Variants in FLT1 observed in about 807,000 individuals in gnomAD.
FLT1 encodes vascular endothelial growth factor receptor 1.
A neutral mutation model predicts 156.3 loss-of-function variants in FLT1; 49 were observed. The observed-to-expected ratio is 0.31, with a 90% CI of 0.25 to 0.40. FLT1 has a LOEUF of 0.40. FLT1 is among the 10% of genes least tolerant of loss of function. FLT1 has a pLI of 1.00. For missense variants in FLT1, 1,322 were observed against 1,637.2 expected (o/e 0.81, Z 3.32); for synonymous variants, 594 against 583.8 (o/e 1.02, Z -0.25).
At chr13:28,480,854 A>G (rs1050018877) in intron 1 of FLT1, among the ~76,000 whole-genome samples, 1 of 152,226 alleles carries the variant, frequency 6.6e-6, no homozygotes, top group Non-Finnish European at 1.5e-5. Flanking sequence ...TACCCAGGTC[A>G]CGTTGTGCTT....
At chr13:28,414,996 C>T (rs903827919) in intron 10 of FLT1, among the ~76,000 whole-genome samples, 5 of 152,106 alleles carry the variant, frequency 3.3e-5, no homozygotes, top group Admixed American at 2.0e-4. Flanking sequence ...CTGCCAGGGC[C>T]CTGGCTAACC....
chr13:28,318,564 C>T (rs897570661), intron 24 of FLT1, among the ~76,000 whole-genome samples: 2 of 152,198 alleles, frequency 1.3e-5, no homozygotes, highest in African/African-American at 4.8e-5. Context: ...GGGAGGCGTG[C>T]AGTGCTGGCA....
intron 3 of FLT1, among the ~76,000 whole-genome samples, chr13:28,457,647 A>T (rs912616044): frequency 3.4e-4 from 52 of 152,220 alleles, no homozygotes; most frequent in African/African-American, 1.1e-3. Flanking sequence ...TCACCTCCTC[A>T]TCTCCAAGCA....
At chr13:28,469,667 TG>T (rs1163727607) in intron 1 of FLT1, among the ~76,000 whole-genome samples, 2 of 152,258 alleles carry the variant, frequency 1.3e-5, no homozygotes, top group Non-Finnish European at 2.9e-5. Context: ...CAGAATATTT[TG>T]CTGGGTATAT....
chr13:28,384,062 T>G (rs1874205726), intron 14 of FLT1, among the ~76,000 whole-genome samples: 2 of 151,380 alleles, frequency 1.3e-5, no homozygotes, highest in African/African-American at 4.9e-5. Flanking sequence ...GATTTATGTT[T>G]TTTACTAGTA....
intron 14 of FLT1, among the ~76,000 whole-genome samples, chr13:28,372,590 A>ATATG (rs1214075312): frequency 7.5e-6 from 1 of 133,744 alleles, no homozygotes; most frequent in Non-Finnish European, 1.6e-5. Context: ...ATATATATAT[A>ATATG]TATATATATA....
chr13:28,493,232 G>A (rs903257514), intron 1 of FLT1, among the ~76,000 whole-genome samples: 1 of 152,082 alleles, frequency 6.6e-6, no homozygotes, highest in African/African-American at 2.4e-5. Flanking sequence ...GTCGAGTGAG[G>A]TATTTAAATT....
chr13:28,399,994 A>G (rs1009609872), intron 11 of FLT1, among the ~76,000 whole-genome samples: 8 of 152,174 alleles, frequency 5.3e-5, no homozygotes, highest in African/African-American at 1.9e-4. Flanking sequence ...AGGTTCCGAG[A>G]GATTAGATGA....
intron 3 of FLT1, among the ~76,000 whole-genome samples, chr13:28,462,115 G>T (rs370780442): frequency 2.0e-5 from 3 of 152,180 alleles, no homozygotes; most frequent in African/African-American, 7.2e-5. Context: ...GTGAGAGAGA[G>T]ATATAAGCTA....
intron 24 of FLT1, among the ~76,000 whole-genome samples, chr13:28,317,967 G>GTT (rs5802474): frequency 7.9e-5 from 12 of 151,554 alleles, no homozygotes; most frequent in South Asian, 2.1e-4. Context: ...GTGAGCTTTT[G>GTT]TTTTTTTTGA....
intron 13 of FLT1, chr13:28,388,731 T>C: frequency 9.4e-7 from 1 of 1,058,210 alleles, no homozygotes; most frequent in Non-Finnish European, 1.1e-6. Flanking sequence ...AAATTTTAAA[T>C]TTACATTTAG....
chr13:28,390,145 C>G, intron 12 of FLT1, 41 bp from the exon 13 acceptor site: 1 of 1,601,360 alleles, frequency 6.2e-7, no homozygotes, highest in Non-Finnish European at 8.5e-7. Context: ...ACAGAAAAAT[C>G]AGTGTCTTTT....
At position 28,386,601 on chromosome 13, in the gene FLT1, C is replaced by T. The variant is rs139666876; in HGVS notation, c.1970-1570G>A. The T allele has an allele frequency of 2.8e-3, 2,902 of 1,055,270 alleles. 10 individuals are homozygous for T. Among genetic ancestry groups the T allele is most frequent in the South Asian group, 0.016 (346 of 21,888 alleles). 65.4% of individuals were successfully genotyped at this position (1,055,270 alleles called of 1,614,324 possible). A position where few individuals can be genotyped will look rare whatever the true frequency, so the allele number is the denominator to read the frequency against. On this transcript the variant is annotated intron_variant, in intron 13 of 29. Transcript: ENST00000282397. ...ATCTTGCCCACTAAGCAGAACGTTACGATATTTCTGTTTTTGCATTGGATG... is the reference window on the plus strand; with the variant it reads ...ATCTTGCCCACTAAGCAGAACGTTATGATATTTCTGTTTTTGCATTGGATG...
intron 10 of FLT1, among the ~76,000 whole-genome samples, chr13:28,407,497 C>T (rs1250886357): frequency 2.0e-5 from 3 of 152,124 alleles, no homozygotes; most frequent in Non-Finnish European, 2.9e-5. Context: ...TACTTCAGTG[C>T]ATCTCTCTAA....
In FLT1 at chr13:28,434,127, C is replaced by T. The variant is rs2137552842; in HGVS notation, c.607G>A (p.Gly203Arg). ...IISNATYKEI[G>R]LLTCEATVNG... Reference sequence around the variant, plus strand: ...ACTGTTGCTTCACAGGTCAGAAGCCCTATTTCTTTGTACGTTGCATTTGAT... The same window carrying T: ...ACTGTTGCTTCACAGGTCAGAAGCCTTATTTCTTTGTACGTTGCATTTGAT... The change falls in exon 5 of 30, where the codon GGG (glycine) becomes AGG (arginine). Residue 203 changes from glycine (G) to arginine (R), a missense_variant. Gly to Arg is a moderately radical substitution (Grantham distance 125). This residue lies in a region of FLT1 where 991 missense variants were observed against 1,254.8 expected (regional missense o/e 0.79). Transcript: ENST00000282397. 1 of 1,614,068 alleles carries T rather than the reference C, an allele frequency of 6.2e-7. No individual in the cohort carries two copies. Among genetic ancestry groups the T allele is most frequent in the Non-Finnish European group, 8.5e-7 (1 of 1,179,986 alleles).
chr13:28,429,197 A>C (rs1374001461), intron 8 of FLT1, among the ~76,000 whole-genome samples: 1 of 152,200 alleles, frequency 6.6e-6, no homozygotes, highest in Non-Finnish European at 1.5e-5. Flanking sequence ...ACAAAGTTAA[A>C]ATTTTCTCTT....
intron 29 of FLT1, among the ~76,000 whole-genome samples, chr13:28,306,072 T>C (rs1870734977): frequency 6.6e-6 from 1 of 152,116 alleles, no homozygotes; most frequent in Non-Finnish European, 1.5e-5. Flanking sequence ...CATTGCAAGG[T>C]AGAGACTCGC....
In FLT1 at chr13:28,467,421, A is replaced by T. The variant is rs1444632555; in HGVS notation, c.161+100T>A. On this transcript the variant is annotated intron_variant, in intron 2 of 29. Transcript: ENST00000282397. ...GCCTATGGTTTGCACTTTGCAGATCACAGGAGATCACTGAGGTCCCTACCT... is the reference window on the plus strand; with the variant it reads ...GCCTATGGTTTGCACTTTGCAGATCTCAGGAGATCACTGAGGTCCCTACCT... 4 of 820,306 alleles carry T rather than the reference A, an allele frequency of 4.9e-6. No homozygotes were observed. In the African/African-American group the frequency reaches 6.8e-5, roughly 14 times the overall value. 50.8% of individuals were successfully genotyped at this position (820,306 alleles called of 1,614,324 possible).
chr13:28,353,171 A>G (rs1380793945), intron 15 of FLT1, among the ~76,000 whole-genome samples: 1 of 152,310 alleles, frequency 6.6e-6, no homozygotes, highest in South Asian at 2.1e-4. Context: ...GTATCTGTCA[A>G]TCATCTTCGA....
Sources: gnomAD v4.1 joint callset for allele counts (sites outside exome capture counted in the v4.1 genomes callset) on GRCh38, gnomAD v4.1.1 for gene constraint, gnomAD v4.1.1 regional missense constraint, MANE v1.5 for transcripts, NCBI Gene and HGNC (gene_info 2026-07-23, HGNC 2026-07-21) for gene names.